The following ADAMTS17 variants were observed in gnomAD, a reference collection of about 807,000 sequenced individuals.
ADAMTS17 encodes A disintegrin and metalloproteinase with thrombospondin motifs 17.
Under a neutral mutation model 141.5 loss-of-function variants are expected in ADAMTS17, and 113 were observed. That is an observed-to-expected ratio of 0.80 (90% CI 0.69 to 0.93). ADAMTS17 has a LOEUF of 0.93. ADAMTS17 is among the 40% of genes least tolerant of loss of function. ADAMTS17 has a pLI of 0.00. For synonymous variants in ADAMTS17, 768 were observed against 630.6 expected, an observed-to-expected ratio of 1.22 and a Z score of -3.27; for missense variants, 1,659 against 1,517.9, an observed-to-expected ratio of 1.09 and a Z score of -1.54.
chr15:100,011,907 C>T (rs1190137257), intron 18 of ADAMTS17, among the ~76,000 whole-genome samples: 2 of 152,178 alleles, frequency 1.3e-5, no homozygotes, highest in Non-Finnish European at 2.9e-5. Context: ...GGTACATACC[C>T]AGTGGTGGGA....
At chr15:100,227,119 T>G (rs898178908) in intron 7 of ADAMTS17, among the ~76,000 whole-genome samples, 1 of 152,130 alleles carries the variant, frequency 6.6e-6, no homozygotes, top group Non-Finnish European at 1.5e-5. Flanking sequence ...CTCTGAGCAC[T>G]GATGAACCCC....
In ADAMTS17 at chr15:100,249,659, G is replaced by A. The variant is rs141378994; in HGVS notation, c.1075+4477C>T. 5.3e-3 allele frequency among the ~76,000 whole-genome samples: 809 copies of A among 152,298 alleles called. 9 individuals are homozygous for A. Among genetic ancestry groups the A allele is most frequent in the African/African-American group, 0.018 (760 of 41,560 alleles). On this transcript the variant is annotated intron_variant, in intron 7 of 21. Transcript: ENST00000268070. ...TTCCAAGCCAGTCTCCCAGCCTGGCGGCAGCCCCCTTCCAGTAGGTGCCCT... is the reference window on the plus strand; with the variant it reads ...TTCCAAGCCAGTCTCCCAGCCTGGCAGCAGCCCCCTTCCAGTAGGTGCCCT...
At chr15:100,230,020 C>T (rs943442374) in intron 7 of ADAMTS17, among the ~76,000 whole-genome samples, 2 of 152,182 alleles carry the variant, frequency 1.3e-5, no homozygotes, top group East Asian at 1.9e-4. Context: ...CTCACTCTGC[C>T]CCCACTGCCA....
chr15:100,120,971 A>G (rs889949683), intron 12 of ADAMTS17, among the ~76,000 whole-genome samples: 4 of 152,268 alleles, frequency 2.6e-5, no homozygotes, highest in African/African-American at 9.6e-5. Flanking sequence ...AGGCACAGAT[A>G]AAGACAGGAA....
At chr15:100,063,687 C>G in intron 15 of ADAMTS17, 1 of 1,289,944 alleles carries the variant, frequency 7.8e-7, no homozygotes, top group Non-Finnish European at 1.0e-6. Flanking sequence ...ACCCAGAAAG[C>G]TGTGGGCAGG....
At chr15:100,152,901 T>G (rs369268643) in intron 9 of ADAMTS17, 139 bp from the exon 10 acceptor site, 1 of 1,096,410 alleles carries the variant, frequency 9.1e-7, no homozygotes, top group Non-Finnish European at 1.3e-6. Context: ...ACGCAGGCAC[T>G]GGACACACAG....
chr15:99,977,400 AATTTTTTTTTTTTT>A (rs1483516145), intron 20 of ADAMTS17, among the ~76,000 whole-genome samples: 10 of 4,752 alleles, frequency 2.1e-3, no homozygotes, highest in African/African-American at 5.6e-3. Flanking sequence ...ATATATATAT[AATTTTTTTTTTTTT>A]TTTTTTTTTT....
intron 20 of ADAMTS17, among the ~76,000 whole-genome samples, chr15:99,981,585 G>C (rs1218947344): frequency 6.6e-6 from 1 of 152,202 alleles, no homozygotes; most frequent in Non-Finnish European, 1.5e-5. Flanking sequence ...GCCCCCTAGA[G>C]GATGCTTCCA....
At chr15:100,069,808 A>T (rs962647116) in intron 15 of ADAMTS17, among the ~76,000 whole-genome samples, 1 of 150,524 alleles carries the variant, frequency 6.6e-6, no homozygotes, top group Non-Finnish European at 1.5e-5. Context: ...TGTAAAGACC[A>T]TCAAGGCTAG....
Position 100,159,002 on chromosome 15 carries a change from C to A in ADAMTS17, c.1182-3682G>T, listed in dbSNP as rs549621620. ...CTGTGAGAATGCAGAGAAATTAAAA[C>A]CCCTGCATGGCGTTGGTAAGAATGC... On this transcript the variant is annotated intron_variant, in intron 8 of 21. Coordinates refer to ENST00000268070, the MANE Select transcript of ADAMTS17 (RefSeq NM_139057.4). 2.0e-5 allele frequency among the ~76,000 whole-genome samples: 3 copies of A among 152,234 alleles called. No homozygotes were observed. The East Asian group carries it at 5.8e-4, about 29-fold the overall frequency.
At chr15:99,978,399 A>T (rs1354156841) in intron 20 of ADAMTS17, 1 of 152,236 alleles carries the variant, frequency 6.6e-6, no homozygotes, top group Non-Finnish European at 1.5e-5. Flanking sequence ...GAAAACTATA[A>T]GCAGCTCCCT....
intron 10 of ADAMTS17, among the ~76,000 whole-genome samples, chr15:100,150,395 C>G (rs968767055): frequency 2.0e-5 from 3 of 152,178 alleles, no homozygotes; most frequent in Non-Finnish European, 4.4e-5. Context: ...CGCTTTCCAG[C>G]CCACCCCTTT....
At position 99,974,078 on chromosome 15, in the gene ADAMTS17, TCAAGA is replaced by T; in HGVS notation, c.*319_*323del. 1 of 414,518 alleles carries T rather than the reference TCAAGA, an allele frequency of 2.4e-6. No homozygotes were observed. The highest frequency in any genetic ancestry group is 4.5e-6 in the Non-Finnish European group (1 of 220,914). 25.7% of individuals were successfully genotyped at this position (414,518 alleles called of 1,614,324 possible). A position where few individuals can be genotyped will look rare whatever the true frequency, so the allele number is the denominator to read the frequency against. On this transcript the variant is annotated 3_prime_UTR_variant, in exon 22 of 22. Transcript: ENST00000268070. ...TGGAAATTCAAATGTCAAAAGCGAG[TCAAGA>T]CAAGAACACTAAATGATGTCTCTCT...
intron 8 of ADAMTS17, among the ~76,000 whole-genome samples, chr15:100,189,993 C>T (rs749787378): frequency 7.2e-5 from 11 of 152,190 alleles, no homozygotes; most frequent in Non-Finnish European, 1.0e-4. Flanking sequence ...CGCTGACCAG[C>T]CTGCCTTCCT....
intron 15 of ADAMTS17, among the ~76,000 whole-genome samples, chr15:100,078,629 T>C (rs2034535010): frequency 1.3e-5 from 2 of 152,126 alleles, no homozygotes. Context: ...GAAGAAAACA[T>C]AGGGGTAAAT....
chr15:100,217,969 C>T (rs2042020225), intron 7 of ADAMTS17, among the ~76,000 whole-genome samples: 1 of 152,232 alleles, frequency 6.6e-6, no homozygotes, highest in Non-Finnish European at 1.5e-5. Flanking sequence ...CCGCCTTGAC[C>T]TCCCGGGCTC....
At chr15:100,109,508 G>A (rs1000503493) in intron 13 of ADAMTS17, among the ~76,000 whole-genome samples, 4 of 152,080 alleles carry the variant, frequency 2.6e-5, no homozygotes, top group Non-Finnish European at 2.9e-5. Flanking sequence ...GAAGGGGAAC[G>A]AGAATGCCTC....
chr15:100,147,851 T>G (rs1214758068), intron 10 of ADAMTS17, among the ~76,000 whole-genome samples: 2 of 152,256 alleles, frequency 1.3e-5, no homozygotes, highest in Non-Finnish European at 2.9e-5. Flanking sequence ...ACAATTCTCT[T>G]ATAGTTCTGG....
At chr15:100,118,191 C>T (rs1468522247) in intron 12 of ADAMTS17, among the ~76,000 whole-genome samples, 2 of 152,230 alleles carry the variant, frequency 1.3e-5, no homozygotes, top group Non-Finnish European at 2.9e-5. Context: ...AACCACTCAA[C>T]TGCTACTGTG....
Sources: allele counts gnomAD v4.1 joint callset (sites outside exome capture counted in the v4.1 genomes callset), GRCh38; gene constraint gnomAD v4.1.1; transcripts MANE v1.5; gene names NCBI Gene and HGNC (gene_info 2026-07-23, HGNC 2026-07-21).